The following MTHFD1L variants were observed in gnomAD, a reference collection of about 807,000 sequenced individuals.
MTHFD1L encodes the protein methylenetetrahydrofolate dehydrogenase (NADP+ dependent) 1 like.
Under a neutral mutation model 119.5 loss-of-function variants are expected in MTHFD1L, and 81 were observed. The observed-to-expected ratio is 0.68, with a 90% CI of 0.57 to 0.82. MTHFD1L has a LOEUF of 0.82. Among genes scored for constraint, MTHFD1L ranks in the 40% least tolerant of loss-of-function variants. The probability of loss-of-function intolerance (pLI) is 0.00; values close to 1 mark genes in which losing one functional copy is unlikely to be tolerated. For synonymous variants in MTHFD1L, 430 were observed against 475.2 expected (o/e 0.90, Z 1.24); for missense variants, 1,125 against 1,253.4 (o/e 0.90, Z 1.55).
intron 1 of MTHFD1L, among the ~76,000 whole-genome samples, chr6:150,873,826 T>C (rs915572895): frequency 6.6e-6 from 1 of 152,160 alleles, no homozygotes; most frequent in African/African-American, 2.4e-5. Context: ...TGCACCACCA[T>C]GCCTGGCTAA....
At chr6:150,893,700 A>G (rs1280350205) in intron 7 of MTHFD1L, among the ~76,000 whole-genome samples, 2 of 152,066 alleles carry the variant, frequency 1.3e-5, no homozygotes, top group African/African-American at 4.8e-5. Flanking sequence ...CTCTTAAACT[A>G]CAGGTAGTCT....
chr6:151,042,440 T>C (rs1787279809), intron 26 of MTHFD1L, among the ~76,000 whole-genome samples: 2 of 152,228 alleles, frequency 1.3e-5, no homozygotes, highest in African/African-American at 4.8e-5. Context: ...TTTAAGGTTT[T>C]CCAACCCTAT....
chr6:150,913,114 G>T (rs1345745004), intron 8 of MTHFD1L, among the ~76,000 whole-genome samples: 2 of 151,850 alleles, frequency 1.3e-5, no homozygotes, highest in African/African-American at 4.8e-5. Context: ...CGATCCTCCT[G>T]CCCCAGCCCC....
intron 4 of MTHFD1L, among the ~76,000 whole-genome samples, chr6:150,880,392 G>A (rs1021314271): frequency 6.6e-6 from 1 of 152,158 alleles, no homozygotes. Context: ...TTCACTTCAT[G>A]TTATGTCCTC....
At chr6:150,965,592 C>G (rs1402611525) in intron 19 of MTHFD1L, among the ~76,000 whole-genome samples, 1 of 150,806 alleles carries the variant, frequency 6.6e-6, no homozygotes, top group Non-Finnish European at 1.5e-5. Context: ...ACCCGGGAGG[C>G]AGAGGTTGCA....
At chr6:150,901,028 AAAG>A (rs1785029033) in intron 7 of MTHFD1L, among the ~76,000 whole-genome samples, 1 of 152,068 alleles carries the variant, frequency 6.6e-6, no homozygotes, top group African/African-American at 2.4e-5. Context: ...AAAAAAAAGA[AAAG>A]AAAAGAAAAA....
At chr6:151,019,779 T>C (rs1173310538) in intron 24 of MTHFD1L, among the ~76,000 whole-genome samples, 2 of 152,224 alleles carry the variant, frequency 1.3e-5, no homozygotes, top group East Asian at 1.9e-4. Context: ...ATTTAGATCA[T>C]CTAAGACCAT....
intron 26 of MTHFD1L, among the ~76,000 whole-genome samples, chr6:151,038,280 A>T (rs953344091): frequency 1.3e-5 from 2 of 152,156 alleles, no homozygotes; most frequent in Non-Finnish European, 2.9e-5. Flanking sequence ...CAGGATGTGG[A>T]AGAAGAGGGG....
chr6:150,996,577 C>A (rs1562512291), intron 20 of MTHFD1L, among the ~76,000 whole-genome samples: 1 of 152,132 alleles, frequency 6.6e-6, no homozygotes, highest in Non-Finnish European at 1.5e-5. Context: ...CCCTTGTTGT[C>A]CCCCATATAT....
intron 26 of MTHFD1L, chr6:151,088,183 A>T (rs1199821798): frequency 6.6e-6 from 1 of 152,110 alleles, no homozygotes; most frequent in Non-Finnish European, 1.5e-5. Context: ...GCTCAACAGG[A>T]GAAGTTTTAG....
intron 7 of MTHFD1L, among the ~76,000 whole-genome samples, chr6:150,901,823 T>C (rs1785143930): frequency 6.6e-6 from 1 of 152,244 alleles, no homozygotes; most frequent in South Asian, 2.1e-4. Flanking sequence ...ATTTTGAACA[T>C]TGTTTTCTTT....
intron 26 of MTHFD1L, among the ~76,000 whole-genome samples, chr6:151,053,755 G>A (rs185853584): frequency 1.4e-3 from 215 of 151,948 alleles, no homozygotes; most frequent in Non-Finnish European, 2.5e-3. Flanking sequence ...AGCTACTAGG[G>A]AGGCTGAGGC....
At position 151,039,991 on chromosome 6, in the gene MTHFD1L, C is replaced by G. The variant is rs368434697; in HGVS notation, c.2847+2874C>G. ...ATACATAGAATGGCCTCAGTGATGG[C>G]CACTTTACTCCTGAGCTTTAGCTGG... is the stretch of plus-strand genomic sequence containing the variant. On this transcript the variant is annotated intron_variant, in intron 26 of 27. Transcript: ENST00000367321. The surrounding 1 kb of genome is among the most constrained non-coding windows in gnomAD (Gnocchi z 4.4). Among the ~76,000 whole-genome samples the G allele has an allele frequency of 1.3e-5, 2 of 152,044 alleles. No homozygotes were observed. The highest frequency in any genetic ancestry group is 3.9e-4 in the East Asian group (2 of 5,140).
chr6:151,079,156 G>A lies in MTHFD1L; in HGVS notation c.2848-13311G>A, dbSNP rs962066003. Among the ~76,000 whole-genome samples, 12 of 152,202 alleles carry A rather than the reference G, an allele frequency of 7.9e-5. 1 individual carries two copies. Among genetic ancestry groups the A allele is most frequent in the African/African-American group, 2.6e-4 (11 of 41,512 alleles). ...AGGAGTGTAATCAATAAATCAGATG[G>A]CCTTGCTGTGAACGGTTACATAGCT... On this transcript the variant is annotated intron_variant, in intron 26 of 27. Transcript: ENST00000367321.
intron 26 of MTHFD1L, among the ~76,000 whole-genome samples, chr6:151,040,047 G>T (rs1194857437): frequency 6.6e-6 from 1 of 152,210 alleles, no homozygotes; most frequent in African/African-American, 2.4e-5. Context: ...TAAGAGGGCG[G>T]CTGGACAGTG....
At chr6:150,938,977 A>G (rs1420551064) in intron 13 of MTHFD1L, among the ~76,000 whole-genome samples, 2 of 152,234 alleles carry the variant, frequency 1.3e-5, no homozygotes, top group Non-Finnish European at 2.9e-5. Flanking sequence ...ATATTCATAT[A>G]CATTGCTGTG....
In MTHFD1L at chr6:150,949,143, G is replaced by A. The variant is rs774905671; in HGVS notation, c.1726+10G>A. Reference sequence around the variant, plus strand: ...ATCACGTGGCAGAGAGGTGGGTGCTGGGGAGATGCCAGCAGGCTGATGGCC... The same window carrying A: ...ATCACGTGGCAGAGAGGTGGGTGCTAGGGAGATGCCAGCAGGCTGATGGCC... On this transcript the variant is annotated intron_variant, in intron 16 of 27. Transcript: ENST00000367321. The A allele has an allele frequency of 6.2e-7, 1 of 1,612,504 alleles. No homozygotes were observed. The highest frequency in any genetic ancestry group is 8.5e-7 in the Non-Finnish European group (1 of 1,178,928).
chr6:150,961,539 A>G (rs903039653), intron 18 of MTHFD1L, among the ~76,000 whole-genome samples: 1 of 152,240 alleles, frequency 6.6e-6, no homozygotes, highest in Non-Finnish European at 1.5e-5. Flanking sequence ...TGAATCTCCT[A>G]CAATAATGGA....
At chr6:151,011,347 G>A (rs994810095) in intron 21 of MTHFD1L, among the ~76,000 whole-genome samples, 1 of 152,076 alleles carries the variant, frequency 6.6e-6, no homozygotes, top group Non-Finnish European at 1.5e-5. Context: ...GCCCATGTAG[G>A]ATGCATTTGG....
Sources: gnomAD v4.1 joint callset for allele counts (sites outside exome capture counted in the v4.1 genomes callset) on GRCh38, gnomAD v4.1.1 for gene constraint, Gnocchi (gnomAD v3.1) non-coding constraint, MANE v1.5 for transcripts, NCBI Gene and HGNC (gene_info 2026-07-23, HGNC 2026-07-21) for gene names.